Variants in EPB41L2 observed in about 807,000 individuals in gnomAD.
EPB41L2 encodes the protein erythrocyte membrane protein band 4.1 like 2, also known as band 4.1-like protein 2.
A neutral mutation model predicts 113.0 loss-of-function variants in EPB41L2; 43 were observed. That is an observed-to-expected ratio of 0.38 (90% confidence interval 0.30 to 0.49). The LOEUF is 0.49. Ranked by LOEUF, EPB41L2 falls within the 20% of genes least tolerant of loss-of-function variation. The probability of loss-of-function intolerance (pLI) is 0.95; values close to 1 mark genes in which losing one functional copy is unlikely to be tolerated. For synonymous variants in EPB41L2, 442 were observed against 436.7 expected (o/e 1.01, Z -0.15); for missense variants, 1,147 against 1,223.4 (o/e 0.94, Z 0.93).
At chr6:130,850,202 C>A (rs958633356) in intron 19 of EPB41L2, among the ~76,000 whole-genome samples, 1 of 152,186 alleles carries the variant, frequency 6.6e-6, no homozygotes, top group African/African-American at 2.4e-5. Context: ...CGTGCCACTG[C>A]ACTCCAGTCT....
rs560603136 is a variant in EPB41L2, at chr6:130,848,066, C to T, written c.*6-7468G>A. ...GGGAATCAAAAGAAATTTCTAGACC[C>T]AACTTTCTCACTTTTTATCTGAGGG... On this transcript the variant is annotated intron_variant, in intron 19 of 19. Coordinates refer to ENST00000337057, the MANE Select transcript of EPB41L2 (RefSeq NM_001431.4). Among the ~76,000 whole-genome samples the T allele has an allele frequency of 1.1e-4, 16 of 152,030 alleles. 1 individual carries two copies. The highest frequency in any genetic ancestry group is 3.9e-4 in the African/African-American group (16 of 41,474).
At chr6:131,052,904 A>T (rs1455432179) in intron 1 of EPB41L2, among the ~76,000 whole-genome samples, 5 of 149,400 alleles carry the variant, frequency 3.3e-5, no homozygotes, top group South Asian at 2.1e-4. Context: ...AAAAATATAA[A>T]TTTTTTTTTT....
chr6:130,880,045 C>T (rs940922053), intron 13 of EPB41L2, 99 bp downstream of exon 13: 18 of 823,760 alleles, frequency 2.2e-5, no homozygotes, highest in Non-Finnish European at 3.4e-5. Context: ...CTGCATGCAC[C>T]GTGCTTGAAG....
chr6:130,932,051 T>G (rs1346074056), intron 3 of EPB41L2, among the ~76,000 whole-genome samples: 1 of 152,192 alleles, frequency 6.6e-6, no homozygotes, highest in Non-Finnish European at 1.5e-5. Flanking sequence ...TTACATGGAT[T>G]CATTAAAGCC....
intron 17 of EPB41L2, among the ~76,000 whole-genome samples, chr6:130,864,124 A>C (rs370971150): frequency 1.3e-5 from 2 of 152,152 alleles, no homozygotes; most frequent in African/African-American, 4.8e-5. Context: ...GAGTAGGGAG[A>C]AATCAGTTAC....
chr6:130,940,952 C>T (rs73774322), intron 3 of EPB41L2, among the ~76,000 whole-genome samples: 2,603 of 152,156 alleles, frequency 0.017, 68 homozygotes, highest in African/African-American at 0.049. Flanking sequence ...TGTATAAACA[C>T]CTGCTATTAC....
At chr6:130,908,260 G>A (rs1798308437) in intron 5 of EPB41L2, among the ~76,000 whole-genome samples, 1 of 152,138 alleles carries the variant, frequency 6.6e-6, no homozygotes, top group Admixed American at 6.6e-5. Flanking sequence ...TGAACAATGA[G>A]GCCTAACTAC....
intron 14 of EPB41L2, among the ~76,000 whole-genome samples, chr6:130,870,936 G>T (rs143192881): frequency 6.6e-6 from 1 of 152,190 alleles, no homozygotes; most frequent in Non-Finnish European, 1.5e-5. Flanking sequence ...ATCATAGGTT[G>T]GCAAAGGCTA....
intron 17 of EPB41L2, among the ~76,000 whole-genome samples, chr6:130,864,348 C>T (rs1293057024): frequency 2.6e-5 from 4 of 152,160 alleles, no homozygotes; most frequent in South Asian, 4.1e-4. Context: ...GTTTCAGATA[C>T]GGAAGATGGA....
At chr6:130,916,225 T>C (rs939929990) in intron 4 of EPB41L2, among the ~76,000 whole-genome samples, 4 of 152,214 alleles carry the variant, frequency 2.6e-5, no homozygotes, top group African/African-American at 9.6e-5. Flanking sequence ...GCACAGTGAA[T>C]AGCTGTACTT....
Position 130,885,081 on chromosome 6 carries a change from G to A in EPB41L2, c.1833+15C>T. ...GTAAATGTTTAAAACCACATACTGTGCTAATTTACCATACCTTTCCTTCAA... is the reference window on the plus strand; with the variant it reads ...GTAAATGTTTAAAACCACATACTGTACTAATTTACCATACCTTTCCTTCAA... On this transcript the variant is annotated intron_variant, in intron 12 of 19. Coordinates refer to ENST00000337057, the MANE Select transcript of EPB41L2 (RefSeq NM_001431.4). The A allele has an allele frequency of 6.2e-7, 1 of 1,613,708 alleles. No individual in the cohort carries two copies. Among genetic ancestry groups the A allele is most frequent in the South Asian group, 1.1e-5 (1 of 90,972 alleles).
intron 11 of EPB41L2, among the ~76,000 whole-genome samples, chr6:130,886,418 C>T (rs3798250): frequency 0.42 from 63,076 of 151,852 alleles, 15,489 homozygotes; most frequent in Non-Finnish European, 0.52. Context: ...AGACTCTTCA[C>T]CCCTCAACAC....
At chr6:130,999,575 G>A (rs939369046) in intron 1 of EPB41L2, among the ~76,000 whole-genome samples, 8 of 152,138 alleles carry the variant, frequency 5.3e-5, no homozygotes, top group African/African-American at 1.4e-4. Context: ...GGGAAGCATG[G>A]TATTTACTAT....
At chr6:131,024,664 A>G (rs1182498064) in intron 1 of EPB41L2, among the ~76,000 whole-genome samples, 2 of 141,584 alleles carry the variant, frequency 1.4e-5, no homozygotes, top group Non-Finnish European at 3.0e-5. Context: ...GTCTACTAAC[A>G]TAATTCCCTT....
intron 1 of EPB41L2, among the ~76,000 whole-genome samples, chr6:130,982,105 TA>T (rs35801276): frequency 0.028 from 3,706 of 133,102 alleles, 54 homozygotes; most frequent in Non-Finnish European, 0.043. Context: ...AGCTAAGAAT[TA>T]AAAAAAAAAA....
Position 131,019,634 on chromosome 6 carries a change from A to G in EPB41L2, c.-15+43521T>C, listed in dbSNP as rs1024384586. Among the ~76,000 whole-genome samples, 9 of 152,314 alleles carry G rather than the reference A, an allele frequency of 5.9e-5. No individual in the cohort carries two copies. In the East Asian group the frequency reaches 1.5e-3, roughly 26 times the overall value. On this transcript the variant is annotated intron_variant, in intron 1 of 19. Transcript: ENST00000337057. ...ATATTGGAATTTCATAAAATGCTTTATCTAGCAAAACTATTTTATGTTTTC... is the reference window on the plus strand; with the variant it reads ...ATATTGGAATTTCATAAAATGCTTTGTCTAGCAAAACTATTTTATGTTTTC...
chr6:130,863,503 T>A, intron 18 of EPB41L2, 135 bp downstream of exon 18: 1 of 605,364 alleles, frequency 1.7e-6, no homozygotes, highest in South Asian at 2.1e-5. Context: ...TGTGTCTTTA[T>A]GTCCTGCTTA....
chr6:130,850,043 G>C (rs1238235350), intron 19 of EPB41L2, among the ~76,000 whole-genome samples: 1 of 152,156 alleles, frequency 6.6e-6, no homozygotes, highest in Non-Finnish European at 1.5e-5. Context: ...TTCGAGACCA[G>C]CCTGGCCAAC....
intron 3 of EPB41L2, among the ~76,000 whole-genome samples, chr6:130,952,565 C>T (rs1469506341): frequency 6.6e-6 from 1 of 152,056 alleles, no homozygotes; most frequent in Non-Finnish European, 1.5e-5. Flanking sequence ...ACTGTAATCC[C>T]AGCACTTGGG....
Sources: gnomAD v4.1 joint callset for allele counts (sites outside exome capture counted in the v4.1 genomes callset) on GRCh38, gnomAD v4.1.1 for gene constraint, MANE v1.5 for transcripts, NCBI Gene and HGNC (gene_info 2026-07-23, HGNC 2026-07-21) for gene names.